The following AP1G1 variants were observed in gnomAD, a reference collection of about 807,000 sequenced individuals.
AP1G1 encodes adaptor related protein complex 1 subunit gamma 1.
In AP1G1, 7 loss-of-function variants were observed where a neutral mutation model predicts 108.3. The ratio of observed to expected loss-of-function variants is 0.06; its 90% CI spans 0.04 to 0.12. AP1G1 has a LOEUF of 0.12. Among genes scored for constraint, AP1G1 ranks in the 10% least tolerant of loss-of-function variants. The probability of loss-of-function intolerance (pLI) is 1.00; values close to 1 mark genes in which losing one functional copy is unlikely to be tolerated. For missense variants in AP1G1, 756 were observed against 1,010.7 expected (o/e 0.75, Z 3.42); for synonymous variants, 379 against 353.5 (o/e 1.07, Z -0.81).
intron 2 of AP1G1, among the ~76,000 whole-genome samples, chr16:71,775,189 G>A (rs2031736170): frequency 6.6e-6 from 1 of 151,210 alleles, no homozygotes; most frequent in East Asian, 2.0e-4. Flanking sequence ...ACCAAACCCA[G>A]GTAATTTTTT....
At chr16:71,806,031 TAAAA>T (rs10605748) in intron 1 of AP1G1, among the ~76,000 whole-genome samples, 2 of 149,074 alleles carry the variant, frequency 1.3e-5, no homozygotes, top group African/African-American at 5.0e-5. Flanking sequence ...ATAAAAATAA[TAAAA>T]AAAAAAAAAA....
chr16:71,746,285 C>T (rs1231747593), intron 17 of AP1G1, among the ~76,000 whole-genome samples: 1 of 152,180 alleles, frequency 6.6e-6, no homozygotes, highest in Non-Finnish European at 1.5e-5. Flanking sequence ...GCTGGGATTA[C>T]AGGCGTGAGC....
Position 71,738,950 on chromosome 16 carries a change from C to G in AP1G1, c.2260G>C (p.Val754Leu). The stretch of plus-strand genomic sequence containing the variant: ...AGAAGACATTGTAGTACCTTTGGTA[C>G]TGCAGCTTGGAAAACAAAGTCCGTC... ...DMTDFVFQAA[V>L]PKTFQLQLLS... The change falls in exon 21 of 23, where the codon GTA becomes CTA. Residue 754 changes from valine (V) to leucine (L), a missense_variant. Val to Leu is a conservative substitution (Grantham distance 32). Transcript: ENST00000299980. 6.2e-7 allele frequency: 1 copy of G among 1,613,782 alleles called. No individual in the cohort carries two copies. Among genetic ancestry groups the G allele is most frequent in the East Asian group, 2.2e-5 (1 of 44,866 alleles).
chr16:71,804,678 G>T (rs7202000), intron 1 of AP1G1, among the ~76,000 whole-genome samples: 5,654 of 152,242 alleles, frequency 0.037, 349 homozygotes, highest in African/African-American at 0.13. Flanking sequence ...AAAGTGCTGG[G>T]ATTACAGGCA....
At chr16:71,747,329 A>G (rs1193069502) in intron 16 of AP1G1, 1 of 152,186 alleles carries the variant, frequency 6.6e-6, no homozygotes, top group Non-Finnish European at 1.5e-5. Context: ...AAGACTTGTC[A>G]AAATATAATA....
At chr16:71,798,971 C>T (rs2032687836) in intron 1 of AP1G1, among the ~76,000 whole-genome samples, 1 of 151,258 alleles carries the variant, frequency 6.6e-6, no homozygotes, top group Non-Finnish European at 1.5e-5. Flanking sequence ...ATAAGCGCTC[C>T]TACAGGAGGA....
chr16:71,805,795 G>A (rs925523367), intron 1 of AP1G1, among the ~76,000 whole-genome samples: 2 of 152,166 alleles, frequency 1.3e-5, no homozygotes, highest in South Asian at 4.1e-4. Flanking sequence ...AGCACTTTGC[G>A]AGGCCGAGGC....
chr16:71,766,494 G>T, intron 6 of AP1G1: 2 of 450,374 alleles, frequency 4.4e-6, no homozygotes, highest in Non-Finnish European at 9.2e-6. Context: ...GCCACAATAG[G>T]AACTTTTTAT....
intron 11 of AP1G1, among the ~76,000 whole-genome samples, chr16:71,757,361 G>T (rs1006837093): frequency 2.0e-4 from 31 of 151,272 alleles, no homozygotes; most frequent in Non-Finnish European, 4.3e-4. Flanking sequence ...TGAGACAGGA[G>T]AATCGCTTGA....
At chr16:71,765,753 G>C (rs2031286460) in intron 6 of AP1G1, 169 bp from the exon 7 acceptor site, 1 of 569,616 alleles carries the variant, frequency 1.8e-6, no homozygotes, top group African/African-American at 1.9e-5. Context: ...GAGTAACTTA[G>C]GGCAATATTC....
At chr16:71,755,828 T>C in intron 12 of AP1G1, 191 bp downstream of exon 12, 2 of 563,954 alleles carry the variant, frequency 3.5e-6, no homozygotes. Flanking sequence ...GTATTTTTAG[T>C]GGCGACAGGG....
intron 1 of AP1G1, among the ~76,000 whole-genome samples, chr16:71,791,616 C>G (rs2032401737): frequency 6.7e-6 from 1 of 148,298 alleles, no homozygotes; most frequent in Non-Finnish European, 1.5e-5. Flanking sequence ...GCCCTAGAGG[C>G]TGAGGCTGCA....
At chr16:71,749,188 A>T (rs1427928479) in intron 15 of AP1G1, among the ~76,000 whole-genome samples, 1 of 151,452 alleles carries the variant, frequency 6.6e-6, no homozygotes, top group Non-Finnish European at 1.5e-5. Context: ...AAGTGCTGGG[A>T]TTACAGGCAT....
At chr16:71,771,560 C>T (rs1001832037) in intron 4 of AP1G1, among the ~76,000 whole-genome samples, 4 of 152,172 alleles carry the variant, frequency 2.6e-5, no homozygotes, top group African/African-American at 4.8e-5. Flanking sequence ...TATTTATTAA[C>T]TGGTTGGGGA....
rs1205976855 is a variant in AP1G1 at position 71,779,994 on chromosome 16, TG to T, written c.202-5403del. Among the ~76,000 whole-genome samples the T allele has an allele frequency of 1.3e-4, 19 of 146,492 alleles. 1 individual carries two copies. Among genetic ancestry groups the T allele is most frequent in the South Asian group, 4.3e-4 (2 of 4,648 alleles). On this transcript the variant is annotated intron_variant, in intron 2 of 22. Coordinates refer to ENST00000299980, the MANE Select transcript of AP1G1 (RefSeq NM_001128.6). Reference sequence around the variant, plus strand: ...AAAAAATTTTGTTTCAGTTTTTTTTTGTTTTTTTTTTTTTTTTGAGACGAAG... The same window carrying T: ...AAAAAATTTTGTTTCAGTTTTTTTTTTTTTTTTTTTTTTTTTGAGACGAAG...
chr16:71,807,778 G>C (rs557354726), intron 1 of AP1G1: 8 of 1,283,810 alleles, frequency 6.2e-6, no homozygotes, highest in East Asian at 5.6e-5. Context: ...CTGTAAAGCA[G>C]CCCAACTCTC....
intron 15 of AP1G1, 71 bp downstream of exon 15, chr16:71,749,823 C>G (rs1357008939): frequency 7.8e-7 from 1 of 1,283,670 alleles, no homozygotes; most frequent in Non-Finnish European, 1.1e-6. Context: ...CCTCAACTCC[C>G]CATTAAACAC....
intron 1 of AP1G1, among the ~76,000 whole-genome samples, chr16:71,795,135 C>A (rs2142267659): frequency 1.3e-5 from 2 of 152,144 alleles, no homozygotes; most frequent in Middle Eastern, 6.8e-3. Flanking sequence ...AGATAACGTT[C>A]TCCCTGCTTT....
intron 21 of AP1G1, among the ~76,000 whole-genome samples, chr16:71,738,547 A>G (rs2045578821): frequency 6.6e-6 from 1 of 152,202 alleles, no homozygotes; most frequent in Non-Finnish European, 1.5e-5. Flanking sequence ...TAACTAGAAG[A>G]TAATACCAGA....
Sources: allele counts gnomAD v4.1 joint callset (sites outside exome capture counted in the v4.1 genomes callset), GRCh38; gene constraint gnomAD v4.1.1; transcripts MANE v1.5; gene names NCBI Gene and HGNC (gene_info 2026-07-23, HGNC 2026-07-21).